Variants in PPM1H observed in about 807,000 individuals in gnomAD.
The protein encoded by PPM1H is protein phosphatase 1H.
Under a neutral mutation model 54.9 loss-of-function variants are expected in PPM1H, and 27 were observed. The ratio of observed to expected loss-of-function variants is 0.49; its 90% CI spans 0.36 to 0.68. The LOEUF (loss-of-function observed/expected upper bound fraction) is 0.68, where lower values mean the gene tolerates loss of function less well. Ranked by LOEUF, PPM1H falls within the 30% of genes least tolerant of loss-of-function variation. The pLI is 0.00. For synonymous variants in PPM1H, 305 were observed against 270.8 expected (o/e 1.13, Z -1.24); for missense variants, 596 against 667.8 (o/e 0.89, Z 1.19).
intron 1 of PPM1H, among the ~76,000 whole-genome samples, chr12:62,843,404 G>A (rs1868831315): frequency 6.6e-6 from 1 of 152,206 alleles, no homozygotes; most frequent in Non-Finnish European, 1.5e-5. Flanking sequence ...TGAGAAAGGT[G>A]TTGTTATTAT....
chr12:62,841,950 G>C (rs1272956337), intron 1 of PPM1H, among the ~76,000 whole-genome samples: 1 of 152,144 alleles, frequency 6.6e-6, no homozygotes, highest in Non-Finnish European at 1.5e-5. Flanking sequence ...TCATCTTTGT[G>C]TATTTCCTTT....
Position 62,689,877 on chromosome 12 carries a change from T to C in PPM1H, c.1138-71A>G. The C allele has an allele frequency of 2.8e-6, 3 of 1,083,366 alleles. No individual in the cohort carries two copies. The South Asian group carries it at 4.3e-5, about 16-fold the overall frequency. The allele number at this position is 1,083,366 out of a possible 1,614,324, so 67.1% of individuals were successfully genotyped here. The stretch of plus-strand genomic sequence containing the variant: ...AGCATCCCATTCCAGTGCAGCTGCC[T>C]GGGCTAGGAACAACCAAACAATTTT... On this transcript the variant is annotated intron_variant, in intron 7 of 9. Transcript: ENST00000228705.
At chr12:62,918,955 C>A (rs1871707009) in intron 1 of PPM1H, among the ~76,000 whole-genome samples, 1 of 152,188 alleles carries the variant, frequency 6.6e-6, no homozygotes, top group African/African-American at 2.4e-5. Context: ...TCCTGACTAA[C>A]CAATGCCTTC....
chr12:62,760,483 C>T (rs1015757630), intron 4 of PPM1H, among the ~76,000 whole-genome samples: 7 of 152,164 alleles, frequency 4.6e-5, no homozygotes, highest in Non-Finnish European at 1.0e-4. Flanking sequence ...TGCTCCCCCA[C>T]CCTATAACCC....
intron 1 of PPM1H, among the ~76,000 whole-genome samples, chr12:62,898,916 G>A (rs699574): frequency 0.016 from 2,399 of 152,184 alleles, 37 homozygotes; most frequent in African/African-American, 0.037. Flanking sequence ...AGAAGCAGCC[G>A]TCCACTGGGT....
At chr12:62,838,900 G>A (rs1257811777) in intron 1 of PPM1H, among the ~76,000 whole-genome samples, 1 of 111,178 alleles carries the variant, frequency 9.0e-6, no homozygotes, top group Non-Finnish European at 1.7e-5. Flanking sequence ...CAGCCTGGGC[G>A]ACAGAGCGAG....
intron 9 of PPM1H, among the ~76,000 whole-genome samples, chr12:62,659,685 A>C (rs1592528652): frequency 6.6e-6 from 1 of 152,230 alleles, no homozygotes; most frequent in East Asian, 1.9e-4. Flanking sequence ...AAAAGCCCCT[A>C]GTCTTGCCTG....
At chr12:62,688,212 G>A (rs1351774510) in intron 8 of PPM1H, among the ~76,000 whole-genome samples, 1 of 152,074 alleles carries the variant, frequency 6.6e-6, no homozygotes, top group Non-Finnish European at 1.5e-5. Context: ...TGTTGGGACA[G>A]AGGCTGCCCC....
chr12:62,709,289 C>G (rs2076193485), intron 6 of PPM1H, among the ~76,000 whole-genome samples: 1 of 152,188 alleles, frequency 6.6e-6, no homozygotes, highest in African/African-American at 2.4e-5. Flanking sequence ...GCTCTGGACT[C>G]TCCCCTAGAA....
chr12:62,710,297 T>C (rs2076199767), intron 6 of PPM1H, among the ~76,000 whole-genome samples: 1 of 151,998 alleles, frequency 6.6e-6, no homozygotes, highest in South Asian at 2.1e-4. Flanking sequence ...TTTGGGAGGC[T>C]GAGGTGGGCA....
intron 1 of PPM1H, among the ~76,000 whole-genome samples, chr12:62,890,472 T>C (rs1363504540): frequency 6.6e-6 from 1 of 152,100 alleles, no homozygotes; most frequent in Admixed American, 6.6e-5. Flanking sequence ...TCTGCTCAAT[T>C]TTGTTGTGAA....
intron 1 of PPM1H, among the ~76,000 whole-genome samples, chr12:62,848,439 C>G (rs534185317): frequency 1.3e-5 from 2 of 152,204 alleles, no homozygotes; most frequent in African/African-American, 4.8e-5. Context: ...ATCTAGGACA[C>G]TTTCCATGGC....
rs570813919 is a variant in PPM1H, at chr12:62,755,592, C to T, written c.870-18006G>A. The T allele has an allele frequency of 3.2e-4, 212 of 658,278 alleles. 1 individual carries two copies. The highest frequency in any genetic ancestry group is 4.8e-4 in the Non-Finnish European group (176 of 364,126). The allele number at this position is 658,278 out of a possible 1,614,324, so 40.8% of individuals were successfully genotyped here. Reference sequence around the variant, plus strand: ...GAGCCAAAAGGGTCATCATCTCTGCCCCTTCTGCTGACACCCCCATGTCTG... The same window carrying T: ...GAGCCAAAAGGGTCATCATCTCTGCTCCTTCTGCTGACACCCCCATGTCTG... On this transcript the variant is annotated intron_variant, in intron 4 of 9. Transcript: ENST00000228705.
At chr12:62,689,939 T>A (rs1347998958) in intron 7 of PPM1H, 133 bp from the exon 8 acceptor site, 1 of 572,796 alleles carries the variant, frequency 1.7e-6, no homozygotes, top group Non-Finnish European at 3.1e-6. Flanking sequence ...CCAGGCCCCT[T>A]GCTGCTAACA....
intron 1 of PPM1H, among the ~76,000 whole-genome samples, chr12:62,924,529 T>C (rs1174406654): frequency 6.6e-6 from 1 of 152,206 alleles, no homozygotes; most frequent in Non-Finnish European, 1.5e-5. Flanking sequence ...TCCAAGTGCA[T>C]AAGGAGATGC....
chr12:62,832,768 C>A (rs1868388832), intron 1 of PPM1H, among the ~76,000 whole-genome samples: 1 of 152,210 alleles, frequency 6.6e-6, no homozygotes, highest in South Asian at 2.1e-4. Flanking sequence ...CCATATTTCA[C>A]TACGGCCATA....
chr12:62,868,633 A>G (rs1473439780), intron 1 of PPM1H, among the ~76,000 whole-genome samples: 1 of 152,224 alleles, frequency 6.6e-6, no homozygotes, highest in Non-Finnish European at 1.5e-5. Flanking sequence ...GTTTACACTT[A>G]CCTCAAGAAT....
intron 1 of PPM1H, among the ~76,000 whole-genome samples, chr12:62,835,505 A>G (rs1868476714): frequency 6.6e-6 from 1 of 152,162 alleles, no homozygotes; most frequent in Non-Finnish European, 1.5e-5. Flanking sequence ...AAACCCAGGG[A>G]ACTGTGAAAG....
intron 3 of PPM1H, among the ~76,000 whole-genome samples, chr12:62,796,473 A>T (rs1229418648): frequency 6.6e-6 from 1 of 152,224 alleles, no homozygotes; most frequent in Admixed American, 6.5e-5. Context: ...AGAGTGGCTC[A>T]CAGAAATCAG....
Sources: gnomAD v4.1 joint callset for allele counts (sites outside exome capture counted in the v4.1 genomes callset) on GRCh38, gnomAD v4.1.1 for gene constraint, MANE v1.5 for transcripts, NCBI Gene and HGNC (gene_info 2026-07-23, HGNC 2026-07-21) for gene names.